The following C2CD5 variants were observed in gnomAD, a reference collection of about 807,000 sequenced individuals.
C2CD5 encodes the protein C2 domain-containing protein 5.
C2CD5 carries 109 observed loss-of-function variants against 130.3 expected under a neutral mutation model. The ratio of observed to expected loss-of-function variants is 0.84; its 90% CI spans 0.72 to 0.98. The LOEUF is 0.98. Ranked by LOEUF, C2CD5 falls within the 50% of genes least tolerant of loss-of-function variation. The probability of loss-of-function intolerance (pLI) is 0.00; values close to 1 mark genes in which losing one functional copy is unlikely to be tolerated. For synonymous variants in C2CD5, 454 were observed against 429.2 expected (o/e 1.06, Z -0.71); for missense variants, 996 against 1,261.8 (o/e 0.79, Z 3.19).
chr12:22,523,319 A>G, intron 7 of C2CD5, 107 bp downstream of exon 7: 1 of 773,848 alleles, frequency 1.3e-6, no homozygotes, highest in Non-Finnish European at 2.0e-6. Flanking sequence ...AAAAATCATC[A>G]CAGAGAAAAT....
chr12:22,493,654 A>G (rs1946647227), intron 10 of C2CD5, among the ~76,000 whole-genome samples: 1 of 152,140 alleles, frequency 6.6e-6, no homozygotes, highest in South Asian at 2.1e-4. Context: ...TTAGAATTTT[A>G]GAATTAGACT....
intron 7 of C2CD5, among the ~76,000 whole-genome samples, chr12:22,519,425 T>G (rs564242125): frequency 6.6e-6 from 1 of 152,078 alleles, no homozygotes; most frequent in South Asian, 2.1e-4. Flanking sequence ...GGATACATAG[T>G]TTTAAAGTAT....
At chr12:22,528,224 A>C (rs957327630) in intron 3 of C2CD5, among the ~76,000 whole-genome samples, 5 of 152,204 alleles carry the variant, frequency 3.3e-5, no homozygotes, top group Non-Finnish European at 5.9e-5. Flanking sequence ...AAGGAATGTC[A>C]TATTAGAGTT....
At chr12:22,520,356 C>A (rs1950164740) in intron 7 of C2CD5, among the ~76,000 whole-genome samples, 1 of 152,098 alleles carries the variant, frequency 6.6e-6, no homozygotes. Context: ...CAGGAACATT[C>A]CCCAATTCAC....
rs1339951497 is a variant in C2CD5, at chr12:22,490,343, A to G, written c.1263-125T>C. On this transcript the variant is annotated intron_variant, in intron 11 of 26. Transcript: ENST00000446597. ...CAAGTTAGACTCTACTCAATATTAAATAATATTTACGAGGTTTACCTCCTA... is the reference window on the plus strand; with the variant it reads ...CAAGTTAGACTCTACTCAATATTAAGTAATATTTACGAGGTTTACCTCCTA... 4 of 555,146 alleles carry G rather than the reference A, an allele frequency of 7.2e-6. No homozygotes were observed. In the African/African-American group the frequency reaches 7.7e-5, roughly 11 times the overall value. The allele number at this position is 555,146 out of a possible 1,614,324, so 34.4% of individuals were successfully genotyped here. A position where few individuals can be genotyped will look rare whatever the true frequency, so the allele number is the denominator to read the frequency against.
chr12:22,452,365 T>C, intron 26 of C2CD5, among the ~76,000 whole-genome samples: 1 of 152,056 alleles, frequency 6.6e-6, no homozygotes. Flanking sequence ...CCTCCTGGTT[T>C]CCCTCCCGCC....
At chr12:22,458,607 A>AAAAGAAAAAAAC in intron 23 of C2CD5, 22 bp from the exon 24 acceptor site, 1 of 1,144,652 alleles carries the variant, frequency 8.7e-7, no homozygotes, top group Non-Finnish European at 1.1e-6. Flanking sequence ...GACAGAAAAC[A>AAAAGAAAAAAAC]AAAGAAAAAA....
intron 26 of C2CD5, among the ~76,000 whole-genome samples, chr12:22,451,308 G>A (rs1455353434): frequency 6.6e-6 from 1 of 151,944 alleles, no homozygotes; most frequent in Non-Finnish European, 1.5e-5. Flanking sequence ...AATTAAGATG[G>A]TTCATTCATT....
intron 12 of C2CD5, among the ~76,000 whole-genome samples, chr12:22,487,973 G>A (rs1227051703): frequency 6.8e-6 from 1 of 147,792 alleles, no homozygotes; most frequent in East Asian, 2.1e-4. Flanking sequence ...AACACTGCAC[G>A]TTCTCACTCA....
chr12:22,467,083 G>A (rs1306893058), intron 22 of C2CD5, among the ~76,000 whole-genome samples: 1 of 152,192 alleles, frequency 6.6e-6, no homozygotes, highest in African/African-American at 2.4e-5. Context: ...AGGCCAAGAG[G>A]TACCTCTGAC....
At chr12:22,495,045 T>A (rs541300531) in intron 10 of C2CD5, among the ~76,000 whole-genome samples, 1 of 152,086 alleles carries the variant, frequency 6.6e-6, no homozygotes, top group African/African-American at 2.4e-5. Flanking sequence ...GAGAAAATAA[T>A]TGTCACAACC....
At chr12:22,505,087 T>C (rs187644575) in intron 10 of C2CD5, among the ~76,000 whole-genome samples, 4 of 152,226 alleles carry the variant, frequency 2.6e-5, no homozygotes, top group Admixed American at 6.5e-5. Context: ...GTCCAGAGAA[T>C]TCTAGTCTTC....
At chr12:22,482,387 T>A (rs754270835) in intron 14 of C2CD5, among the ~76,000 whole-genome samples, 170 bp downstream of exon 14, 2 of 152,214 alleles carry the variant, frequency 1.3e-5, no homozygotes, top group Non-Finnish European at 2.9e-5. Context: ...CTTTAAAATA[T>A]GTGAAAACCT....
intron 25 of C2CD5, among the ~76,000 whole-genome samples, chr12:22,455,024 T>C (rs374463210): frequency 3.8e-4 from 58 of 152,326 alleles, no homozygotes; most frequent in African/African-American, 1.3e-3. Context: ...TGGACTTATT[T>C]ACAGTCTAGG....
At chr12:22,484,505 C>T in intron 13 of C2CD5, 192 bp downstream of exon 13, 2 of 406,766 alleles carry the variant, frequency 4.9e-6, no homozygotes. Flanking sequence ...TGCTTTTGTA[C>T]ACAAACTTAT....
intron 2 of C2CD5, among the ~76,000 whole-genome samples, chr12:22,543,391 T>A (rs1952597831): frequency 6.6e-6 from 1 of 152,238 alleles, no homozygotes; most frequent in African/African-American, 2.4e-5. Flanking sequence ...GGCGCTAAAT[T>A]ACCCTGAAAC....
chr12:22,453,463 A>G (rs2135955092), intron 26 of C2CD5, among the ~76,000 whole-genome samples: 1 of 152,338 alleles, frequency 6.6e-6, no homozygotes, highest in Non-Finnish European at 1.5e-5. Context: ...TTTCATCCCC[A>G]TTAAGAGAAT....
Position 22,449,903 on chromosome 12 carries a change from A to G in C2CD5, c.3025-12T>C. ...ATAAGACACTGTGCCTATAAGAACAACAAACAGGACAGGTTCAGTTATACT... is the reference window on the plus strand; with the variant it reads ...ATAAGACACTGTGCCTATAAGAACAGCAAACAGGACAGGTTCAGTTATACT... On this transcript the variant is annotated splice_polypyrimidine_tract_variant and intron_variant, in intron 26 of 26. Coordinates refer to ENST00000446597, the MANE Select transcript of C2CD5 (RefSeq NM_001286176.2). 2 of 1,598,922 alleles carry G rather than the reference A, an allele frequency of 1.3e-6. No homozygotes were observed. The highest frequency in any genetic ancestry group is 2.2e-5 in the South Asian group (2 of 89,926).
intron 22 of C2CD5, among the ~76,000 whole-genome samples, chr12:22,462,912 C>G (rs1406048264): frequency 6.6e-6 from 1 of 151,802 alleles, no homozygotes; most frequent in African/African-American, 2.4e-5. Flanking sequence ...CATGTTGAAA[C>G]CCCATCACTA....
Sources: gnomAD v4.1 joint callset for allele counts (sites outside exome capture counted in the v4.1 genomes callset) on GRCh38, gnomAD v4.1.1 for gene constraint, MANE v1.5 for transcripts, NCBI Gene and HGNC (gene_info 2026-07-23, HGNC 2026-07-21) for gene names.